Variants in CATSPERT observed in about 807,000 individuals in gnomAD.
CATSPERT encodes catsper channel auxiliary subunit tau, also known as cation channel sperm-associated targeting subunit tau.
chr2:201,575,414 C>T, the CATSPERT span: 2 of 1,023,114 alleles, frequency 2.0e-6, no homozygotes, highest in South Asian at 2.0e-5. Flanking sequence ...AACCCCTAGG[C>T]CATGGACTGG....
the CATSPERT span, among the ~76,000 whole-genome samples, chr2:201,564,297 G>A: frequency 2.6e-5 from 4 of 152,152 alleles, no homozygotes; most frequent in Non-Finnish European, 4.4e-5. Context: ...AGATACAAAT[G>A]TATACTTTCT....
At chr2:201,595,874 C>T in the CATSPERT span, among the ~76,000 whole-genome samples, 2 of 147,726 alleles carry the variant, frequency 1.4e-5, no homozygotes, top group African/African-American at 5.1e-5. Context: ...GATACCATCT[C>T]ACACCAGTCA....
the CATSPERT span, chr2:201,618,910 C>A: frequency 3.2e-5 from 51 of 1,613,544 alleles, 1 homozygote; most frequent in South Asian, 5.1e-4. Flanking sequence ...GTTCAGCAGC[C>A]GGTGCCCGGT....
the CATSPERT span, among the ~76,000 whole-genome samples, chr2:201,614,489 C>G: frequency 6.6e-6 from 1 of 152,126 alleles, no homozygotes; most frequent in Non-Finnish European, 1.5e-5. Flanking sequence ...AAATAAAATC[C>G]TTTACAGACA....
At chr2:201,609,818 G>A in the CATSPERT span, among the ~76,000 whole-genome samples, 259 of 152,100 alleles carry the variant, frequency 1.7e-3, 1 homozygote, top group African/African-American at 5.8e-3. Flanking sequence ...AAAATTAGTG[G>A]AAGAAAAGAA....
At chr2:201,498,118 A>G in the CATSPERT span, among the ~76,000 whole-genome samples, 1 of 152,164 alleles carries the variant, frequency 6.6e-6, no homozygotes, top group African/African-American at 2.4e-5. Context: ...CCAACAGGAT[A>G]TATGTATATA....
At chr2:201,492,030 G>A in the CATSPERT span, 2 of 1,534,708 alleles carry the variant, frequency 1.3e-6, no homozygotes, top group Non-Finnish European at 1.7e-6. Flanking sequence ...CTTCCTTAGT[G>A]TAATAACTTT....
the CATSPERT span, among the ~76,000 whole-genome samples, chr2:201,539,415 C>G: frequency 6.6e-6 from 1 of 151,268 alleles, no homozygotes; most frequent in African/African-American, 2.4e-5. Context: ...CTCTAATGAT[C>G]AGTGATGTTG....
At chr2:201,603,905 A>G in the CATSPERT span, among the ~76,000 whole-genome samples, 1 of 152,244 alleles carries the variant, frequency 6.6e-6, no homozygotes, top group Admixed American at 6.5e-5. Context: ...CAGAAATATT[A>G]TATTAAACAT....
chr2:201,592,417 A>G, the CATSPERT span, among the ~76,000 whole-genome samples: 2 of 146,204 alleles, frequency 1.4e-5, no homozygotes, highest in African/African-American at 5.1e-5. Context: ...ATCAATGTTC[A>G]TCAAGGATAT....
the CATSPERT span, among the ~76,000 whole-genome samples, chr2:201,594,162 A>C: frequency 5.3e-4 from 81 of 152,260 alleles, no homozygotes; most frequent in African/African-American, 1.9e-3. Flanking sequence ...GAGCTCTTTT[A>C]GGGCAGGCCT....
chr2:201,527,114 A>G, the CATSPERT span, among the ~76,000 whole-genome samples: 1 of 151,818 alleles, frequency 6.6e-6, no homozygotes, highest in Non-Finnish European at 1.5e-5. Context: ...ATACACCAAT[A>G]ATGTCCAAGC....
chr2:201,572,114 AAT>A, the CATSPERT span: 1 of 861,696 alleles, frequency 1.2e-6, no homozygotes, highest in African/African-American at 1.7e-5. Flanking sequence ...TAATGCTATG[AAT>A]ACCCCAGGAC....
the CATSPERT span, among the ~76,000 whole-genome samples, chr2:201,562,344 C>A: frequency 6.6e-6 from 1 of 151,466 alleles, no homozygotes; most frequent in Admixed American, 6.6e-5. Context: ...CCCACCACCA[C>A]GCCCGGCTAA....
At chr2:201,529,771 A>G in the CATSPERT span, among the ~76,000 whole-genome samples, 1 of 152,188 alleles carries the variant, frequency 6.6e-6, no homozygotes, top group Non-Finnish European at 1.5e-5. Context: ...GCATCAAATC[A>G]AAAGCTTCTG....
At chr2:201,556,464 A>T in the CATSPERT span, among the ~76,000 whole-genome samples, 1 of 150,864 alleles carries the variant, frequency 6.6e-6, no homozygotes, top group Non-Finnish European at 1.5e-5. Flanking sequence ...AGCCGAGATC[A>T]CGCCATTGAC....
At chr2:201,525,776 A>G in the CATSPERT span, among the ~76,000 whole-genome samples, 1 of 152,214 alleles carries the variant, frequency 6.6e-6, no homozygotes, top group Non-Finnish European at 1.5e-5. Flanking sequence ...CAGAAATGAC[A>G]AAGGGAACAT....
chr2:201,595,920 A>G, the CATSPERT span, among the ~76,000 whole-genome samples: 1 of 5,042 alleles, frequency 2.0e-4, no homozygotes, highest in African/African-American at 2.4e-4. Flanking sequence ...AAAAAAAAAA[A>G]AAAAACAGAT....
chr2:201,594,197 T>G, the CATSPERT span, among the ~76,000 whole-genome samples: 25 of 152,344 alleles, frequency 1.6e-4, no homozygotes, highest in South Asian at 5.0e-3. Context: ...CTCTCAGCAT[T>G]TGCTTGTCTG....
Sources: allele counts gnomAD v4.1 joint callset (sites outside exome capture counted in the v4.1 genomes callset), GRCh38; gene constraint gnomAD v4.1.1; transcripts MANE v1.5; gene names NCBI Gene and HGNC (gene_info 2026-07-23, HGNC 2026-07-21).